Variants in MIA3 observed in about 807,000 individuals in gnomAD.
The protein encoded by MIA3 is MIA SH3 domain ER export factor 3, also known as transport and Golgi organization protein 1 homolog.
A neutral mutation model predicts 192.4 loss-of-function variants in MIA3; 90 were observed. That is an observed-to-expected ratio of 0.47 (90% confidence interval 0.39 to 0.56). The LOEUF is 0.56. MIA3 is among the 20% of genes least tolerant of loss of function. The pLI is 0.00. For missense variants in MIA3, 2,123 were observed against 2,269.4 expected, an observed-to-expected ratio of 0.94 and a Z score of 1.31; for synonymous variants, 740 against 792.8, an observed-to-expected ratio of 0.93 and a Z score of 1.12.
In MIA3 at chr1:222,654,681, C is replaced by G; in HGVS notation, c.4495C>G (p.Arg1499Gly). 1.2e-6 allele frequency: 2 copies of G among 1,613,944 alleles called. No homozygotes were observed. Among genetic ancestry groups the G allele is most frequent in the Non-Finnish European group, 1.7e-6 (2 of 1,179,924 alleles). Reference protein sequence around the residue: ...EDQVKKLEDDRNSLQAAKAGL... With the variant: ...EDQVKKLEDDGNSLQAAKAGL... ...CCAGGTAAAGAAATTGGAAGATGAC[C>G]GCAACTCACTACAAGCTGCCAAAGC... The change falls in exon 18 of 28, where the codon CGC (arginine) becomes GGC (glycine). Residue 1499 changes from arginine (R) to glycine (G), a missense_variant. Arg to Gly is a moderately radical substitution (Grantham distance 125, BLOSUM62 -2). This residue lies in a region of MIA3 where 762 missense variants were observed against 856.4 expected (regional missense o/e 0.89). Transcript: ENST00000344922.
chr1:222,654,731 C>G lies in MIA3; in HGVS notation c.4545C>G (p.Thr1515=), dbSNP rs750164245. 2 of 1,614,108 alleles carry G rather than the reference C, an allele frequency of 1.2e-6. No individual in the cohort carries two copies. The highest frequency in any genetic ancestry group is 3.3e-5 in the Admixed American group (2 of 60,016). Residue 1515 remains threonine (T), a synonymous_variant, in exon 18 of 28, where the codon ACC becomes ACG. Transcript: ENST00000344922. Reference sequence around the variant, plus strand: ...CTGGACTGGAAGATGAATGCAAAACCTTGAGGCAGAAAGTGGAGATTCTGA... The same window carrying G: ...CTGGACTGGAAGATGAATGCAAAACGTTGAGGCAGAAAGTGGAGATTCTGA... The part of the protein sequence containing the change: ...AKAGLEDECK[T]LRQKVEILNE...
intron 6 of MIA3, among the ~76,000 whole-genome samples, chr1:222,642,876 C>T (rs1302106779): frequency 6.6e-6 from 1 of 151,882 alleles, no homozygotes; most frequent in East Asian, 1.9e-4. Context: ...ATTACCTCAG[C>T]CCATTTTTCT....
rs778264331 is a variant in MIA3, at chr1:222,665,586, G to A, written c.5691G>A (p.Gln1897=). Residue 1897 remains glutamine, a synonymous_variant, in exon 28 of 28, where the codon CAG becomes CAA. Coordinates refer to ENST00000344922, the MANE Select transcript of MIA3 (RefSeq NM_198551.4). ...EPPPASQSTS[Q]DCSQALKQSP The stretch of plus-strand genomic sequence containing the variant: ...CACCTGCCTCTCAGAGCACTAGCCA[G>A]GACTGTTCACAGGCTTTAAAACAGA... 2.3e-5 allele frequency: 37 copies of A among 1,610,222 alleles called. No homozygotes were observed. Among genetic ancestry groups the A allele is most frequent in the Middle Eastern group, 3.3e-4 (2 of 6,024 alleles).
chr1:222,666,482 G>C lies in MIA3; in HGVS notation c.*863G>C, dbSNP rs1233740286. 6.6e-6 allele frequency: 1 copy of C among 152,052 alleles called. No individual in the cohort carries two copies. Among genetic ancestry groups the C allele is most frequent in the Non-Finnish European group, 1.5e-5 (1 of 68,002 alleles). The allele number at this position is 152,052 out of a possible 1,614,324, so 9.4% of individuals were successfully genotyped here. A position where few individuals can be genotyped will look rare whatever the true frequency, so the allele number is the denominator to read the frequency against. The stretch of plus-strand genomic sequence containing the variant: ...GGGTGCACAACAGAAAAATGAAAAT[G>C]ATGTGTCATGGCCATAAAAGTATAG... On this transcript the variant is annotated 3_prime_UTR_variant, in exon 28 of 28. Transcript: ENST00000344922.
chr1:222,642,210 A>T (rs1326986543), intron 6 of MIA3, among the ~76,000 whole-genome samples: 1 of 152,182 alleles, frequency 6.6e-6, no homozygotes, highest in African/African-American at 2.4e-5. Context: ...ATGGTTTCAC[A>T]GGCGTATTCA....
intron 4 of MIA3, among the ~76,000 whole-genome samples, chr1:222,631,560 T>C (rs1662399182): frequency 6.6e-6 from 1 of 152,172 alleles, no homozygotes. Context: ...TTAAAACATA[T>C]ATTTTGGATA....
chr1:222,663,578 T>C (rs999610276), intron 26 of MIA3, among the ~76,000 whole-genome samples: 3 of 152,234 alleles, frequency 2.0e-5, no homozygotes, highest in African/African-American at 7.2e-5. Context: ...CTCTGAATAA[T>C]CGCTGTTACA....
intron 6 of MIA3, among the ~76,000 whole-genome samples, chr1:222,641,100 C>T (rs2133189): frequency 0.56 from 85,550 of 152,092 alleles, 27,509 homozygotes; most frequent in Non-Finnish European, 0.72. Flanking sequence ...ATGGAAGTAT[C>T]ATACACTGCT....
At position 222,628,058 on chromosome 1, in the gene MIA3, G is replaced by T. The variant is rs747944462; in HGVS notation, c.838G>T (p.Gly280Cys). 149 of 1,613,938 alleles carry T rather than the reference G, an allele frequency of 9.2e-5. No homozygotes were observed. Among genetic ancestry groups the T allele is most frequent in the Non-Finnish European group, 1.2e-4 (144 of 1,180,034 alleles). Reference protein sequence around the residue: ...EMTLDLKTKFGSTADALVSDD... With the variant: ...EMTLDLKTKFCSTADALVSDD... ...GACTCTAGACTTGAAAACCAAATTT[G>T]GCTCAACAGCTGATGCACTTGTATC... The change falls in exon 4 of 28, where the codon GGC becomes TGC. Residue 280 changes from glycine (G) to cysteine (C), a missense_variant. This residue lies in a region of MIA3 where 1,357 missense variants were observed against 1,396.1 expected (regional missense o/e 0.97). Transcript: ENST00000344922.
At chr1:222,662,490 A>G in intron 26 of MIA3, 158 bp downstream of exon 26, 1 of 1,450,428 alleles carries the variant, frequency 6.9e-7, no homozygotes, top group Non-Finnish European at 9.1e-7. Flanking sequence ...AAGTCCCCTC[A>G]GTTCCCAGCA....
chr1:222,630,212 G>T lies in MIA3; in HGVS notation c.2992G>T (p.Val998Leu), dbSNP rs1323082516. 12 of 1,614,198 alleles carry T rather than the reference G, an allele frequency of 7.4e-6. No homozygotes were observed. In the South Asian group the frequency reaches 1.2e-4, roughly 16 times the overall value. The part of the protein sequence containing the change: ...SIAEKMLDTR[V>L]AENRDLGMNE... ...AGCAGAAAAAATGCTTGATACTCGTGTGGCTGAAAATAGAGATCTGGGAAT... is the reference window on the plus strand; with the variant it reads ...AGCAGAAAAAATGCTTGATACTCGTTTGGCTGAAAATAGAGATCTGGGAAT... Residue 998 changes from valine to leucine, a missense_variant, in exon 4 of 28, where the codon GTG (valine) becomes TTG (leucine). Physicochemically the swap from Val to Leu is conservative, Grantham distance 32. Transcript: ENST00000344922.
chr1:222,619,505 T>C (rs1661763634), intron 1 of MIA3, among the ~76,000 whole-genome samples: 1 of 152,256 alleles, frequency 6.6e-6, no homozygotes, highest in Admixed American at 6.5e-5. Context: ...AAGCCATTCC[T>C]AGAGATAACC....
intron 6 of MIA3, among the ~76,000 whole-genome samples, chr1:222,643,366 C>T (rs1367349225): frequency 6.6e-6 from 1 of 152,098 alleles, no homozygotes; most frequent in Non-Finnish European, 1.5e-5. Context: ...TATTCTGCCC[C>T]GTGGTCGGTC....
intron 2 of MIA3, among the ~76,000 whole-genome samples, chr1:222,622,601 A>G (rs983052009): frequency 1.3e-5 from 2 of 152,232 alleles, no homozygotes; most frequent in African/African-American, 2.4e-5. Flanking sequence ...GAGCATCCCA[A>G]GTGACTTGCT....
rs982450820 is a variant in MIA3, at chr1:222,618,371, C to T, written c.133+128C>T. ...GGGAGTTCCGCAGCCCCTGGCCGGC[C>T]CGGGGGTCGCAGGCGGGATGGGCTG... is the stretch of plus-strand genomic sequence containing the variant. On this transcript the variant is annotated intron_variant, in intron 1 of 27. Coordinates refer to ENST00000344922, the MANE Select transcript of MIA3 (RefSeq NM_198551.4). 4 of 1,000,148 alleles carry T rather than the reference C, an allele frequency of 4.0e-6. No homozygotes were observed. The South Asian group carries it at 1.2e-4, about 30-fold the overall frequency. 62.0% of individuals were successfully genotyped at this position (1,000,148 alleles called of 1,614,324 possible).
At chr1:222,656,972 T>G (rs1663763543) in intron 18 of MIA3, among the ~76,000 whole-genome samples, 1 of 152,244 alleles carries the variant, frequency 6.6e-6, no homozygotes, top group Non-Finnish European at 1.5e-5. Context: ...ATCTATGTGG[T>G]AATCCTATTA....
chr1:222,657,833 C>G (rs975548542), intron 18 of MIA3, among the ~76,000 whole-genome samples: 1 of 152,184 alleles, frequency 6.6e-6, no homozygotes, highest in Admixed American at 6.5e-5. Context: ...ATTGAATGAG[C>G]AGTTGTAAAA....
intron 27 of MIA3, chr1:222,664,832 C>G: frequency 3.0e-6 from 1 of 335,548 alleles, no homozygotes; most frequent in Non-Finnish European, 6.5e-6. Flanking sequence ...AGTCTGTCTT[C>G]TTGGTATGGT....
intron 6 of MIA3, among the ~76,000 whole-genome samples, chr1:222,639,422 C>A (rs779935400): frequency 3.9e-5 from 6 of 152,004 alleles, no homozygotes; most frequent in Non-Finnish European, 7.4e-5. Context: ...AAGGCAAAGA[C>A]AAAGACAAGT....
Sources: gnomAD v4.1 joint callset for allele counts (sites outside exome capture counted in the v4.1 genomes callset) on GRCh38, gnomAD v4.1.1 for gene constraint, gnomAD v4.1.1 regional missense constraint, MANE v1.5 for transcripts, NCBI Gene and HGNC (gene_info 2026-07-23, HGNC 2026-07-21) for gene names.